Variants in ASTN2 observed in about 807,000 individuals in gnomAD.
ASTN2 encodes astrotactin-2.
In ASTN2, 54 loss-of-function variants were observed where a neutral mutation model predicts 139.8. That is an observed-to-expected ratio of 0.39 (90% CI 0.31 to 0.48). The LOEUF is 0.48. Ranked by LOEUF, ASTN2 falls within the 20% of genes least tolerant of loss-of-function variation. ASTN2 has a pLI of 0.95. For synonymous variants in ASTN2, 756 were observed against 719.5 expected, an observed-to-expected ratio of 1.05 and a Z score of -0.81; for missense variants, 1,565 against 1,725.1, an observed-to-expected ratio of 0.91 and a Z score of 1.64.
intron 10 of ASTN2, among the ~76,000 whole-genome samples, chr9:116,946,851 T>G (rs1835409003): frequency 6.8e-6 from 1 of 147,374 alleles, no homozygotes; most frequent in African/African-American, 2.5e-5. Flanking sequence ...TTAAGGCTTT[T>G]CCCCATGCCA....
At chr9:116,616,739 C>T (rs964358004) in intron 19 of ASTN2, among the ~76,000 whole-genome samples, 31 of 151,998 alleles carry the variant, frequency 2.0e-4, no homozygotes, top group Non-Finnish European at 3.4e-4. Flanking sequence ...CTGTGGTTTA[C>T]AAACCTCTGC....
intron 2 of ASTN2, among the ~76,000 whole-genome samples, chr9:117,283,937 G>T (rs554195452): frequency 1.5e-4 from 23 of 152,090 alleles, no homozygotes; most frequent in African/African-American, 5.3e-4. Flanking sequence ...ATACATTGGT[G>T]GATCTTGTCA....
intron 1 of ASTN2, among the ~76,000 whole-genome samples, chr9:117,376,774 C>G (rs112346879): frequency 0.011 from 1,623 of 152,254 alleles, 39 homozygotes; most frequent in African/African-American, 0.037. Context: ...GAGATAATGC[C>G]TGTGTGGTGT....
chr9:116,943,879 T>G (rs368734910), intron 10 of ASTN2, among the ~76,000 whole-genome samples: 2 of 152,214 alleles, frequency 1.3e-5, no homozygotes, highest in African/African-American at 4.8e-5. Flanking sequence ...AAGAACTTAC[T>G]TTAGCAATGC....
chr9:116,976,042 C>T lies in ASTN2; in HGVS notation c.1751+72G>A, dbSNP rs183874927. 9.3e-5 allele frequency: 134 copies of T among 1,440,812 alleles called. 2 individuals carry two copies. In the East Asian group the frequency reaches 2.9e-3, roughly 31 times the overall value. The allele number at this position is 1,440,812 out of a possible 1,614,324, so 89.3% of individuals were successfully genotyped here. A position where few individuals can be genotyped will look rare whatever the true frequency, so the allele number is the denominator to read the frequency against. ...TGCACAGGCTCAATAGTCTAAGGATCCATGACCACATCTTCCTATCAGTCC... is the reference window on the plus strand; with the variant it reads ...TGCACAGGCTCAATAGTCTAAGGATTCATGACCACATCTTCCTATCAGTCC... On this transcript the variant is annotated intron_variant, in intron 9 of 22. Coordinates refer to ENST00000313400, the MANE Select transcript of ASTN2 (RefSeq NM_001365068.1).
intron 3 of ASTN2, among the ~76,000 whole-genome samples, chr9:117,158,181 T>G (rs1055759941): frequency 6.6e-6 from 1 of 152,080 alleles, no homozygotes; most frequent in Non-Finnish European, 1.5e-5. Flanking sequence ...ACTAACCCAG[T>G]TCCACTGCTA....
chr9:116,830,080 G>A (rs1208205120), intron 11 of ASTN2, among the ~76,000 whole-genome samples: 1 of 152,140 alleles, frequency 6.6e-6, no homozygotes, highest in Non-Finnish European at 1.5e-5. Context: ...CACAGATTGT[G>A]CACTCGACAA....
At chr9:117,026,376 A>T (rs1403886814) in intron 6 of ASTN2, among the ~76,000 whole-genome samples, 1 of 152,132 alleles carries the variant, frequency 6.6e-6, no homozygotes, top group East Asian at 1.9e-4. Context: ...GCTCATAACC[A>T]CCACACCTCA....
Position 116,620,296 on chromosome 9 carries a change from C to T in ASTN2, c.3206+14G>A, listed in dbSNP as rs776882936. On this transcript the variant is annotated intron_variant, in intron 18 of 22. Coordinates refer to ENST00000313400, the MANE Select transcript of ASTN2 (RefSeq NM_001365068.1). ...AAAGGGATGGCCAAAGGAAAAGGGG[C>T]CATACATACGTACACCGGCTGCAGA... 7 of 1,613,830 alleles carry T rather than the reference C, an allele frequency of 4.3e-6. No individual in the cohort carries two copies. The highest frequency in any genetic ancestry group is 5.9e-6 in the Non-Finnish European group (7 of 1,179,998).
intron 22 of ASTN2, among the ~76,000 whole-genome samples, chr9:116,429,500 C>T (rs1314124411): frequency 6.6e-6 from 1 of 152,126 alleles, no homozygotes; most frequent in Admixed American, 6.5e-5. Flanking sequence ...CAGCAGATGG[C>T]TCACCTCATA....
chr9:117,367,062 C>T (rs773709159), intron 1 of ASTN2, among the ~76,000 whole-genome samples: 8 of 152,138 alleles, frequency 5.3e-5, no homozygotes, highest in Non-Finnish European at 1.2e-4. Flanking sequence ...TGTGAGCCAC[C>T]GTACCTGGCC....
intron 3 of ASTN2, among the ~76,000 whole-genome samples, chr9:117,159,958 T>C (rs1336218091): frequency 2.6e-5 from 4 of 152,068 alleles, no homozygotes; most frequent in African/African-American, 7.2e-5. Context: ...GTTTACTTCA[T>C]GTCTCACATC....
chr9:117,259,541 C>T (rs913764261), intron 2 of ASTN2, among the ~76,000 whole-genome samples: 1 of 152,172 alleles, frequency 6.6e-6, no homozygotes, highest in Non-Finnish European at 1.5e-5. Context: ...AAGCCTGCTA[C>T]CTAGAGGCTT....
At chr9:116,572,877 T>A (rs539054856) in intron 19 of ASTN2, among the ~76,000 whole-genome samples, 2 of 152,082 alleles carry the variant, frequency 1.3e-5, no homozygotes, top group South Asian at 4.2e-4. Flanking sequence ...GGCACTCTTG[T>A]GAGAAGAAAG....
chr9:116,945,522 T>C (rs1336473061), intron 10 of ASTN2, among the ~76,000 whole-genome samples: 1 of 152,174 alleles, frequency 6.6e-6, no homozygotes, highest in Non-Finnish European at 1.5e-5. Flanking sequence ...ATTCATACAT[T>C]CATTGCCTTT....
intron 1 of ASTN2, among the ~76,000 whole-genome samples, chr9:117,337,568 A>G (rs1828926591): frequency 6.6e-6 from 1 of 152,176 alleles, no homozygotes; most frequent in African/African-American, 2.4e-5. Flanking sequence ...AGAGTAGAGA[A>G]AGAAAGCAAC....
At chr9:116,860,556 T>A (rs548283899) in intron 11 of ASTN2, among the ~76,000 whole-genome samples, 1 of 152,358 alleles carries the variant, frequency 6.6e-6, no homozygotes, top group Non-Finnish European at 1.5e-5. Context: ...TTCTAATGCC[T>A]AAATCCAGGC....
chr9:117,115,632 T>G (rs144723685), intron 4 of ASTN2, among the ~76,000 whole-genome samples: 66 of 152,278 alleles, frequency 4.3e-4, no homozygotes, highest in African/African-American at 1.5e-3. Context: ...ATAGCTGTAG[T>G]TTCATTTATT....
chr9:117,300,911 T>C (rs375412970), intron 1 of ASTN2, among the ~76,000 whole-genome samples: 2 of 152,308 alleles, frequency 1.3e-5, no homozygotes, highest in Non-Finnish European at 2.9e-5. Flanking sequence ...AGCGCTCATC[T>C]CTGCCTCTGC....
Sources: gnomAD v4.1 joint callset for allele counts (sites outside exome capture counted in the v4.1 genomes callset) on GRCh38, gnomAD v4.1.1 for gene constraint, MANE v1.5 for transcripts, NCBI Gene and HGNC (gene_info 2026-07-23, HGNC 2026-07-21) for gene names.